The following SYNPR variants were observed in gnomAD, a reference collection of about 807,000 sequenced individuals.
SYNPR encodes synaptoporin.
Under a neutral mutation model 32.9 loss-of-function variants are expected in SYNPR, and 23 were observed. The ratio of observed to expected loss-of-function variants is 0.70; its 90% confidence interval spans 0.50 to 0.99. SYNPR has a LOEUF of 0.99. Among genes scored for constraint, SYNPR ranks in the 50% least tolerant of loss-of-function variants. SYNPR has a pLI of 0.00. For synonymous variants in SYNPR, 146 were observed against 135.9 expected (o/e 1.07, Z -0.52); for missense variants, 318 against 349.3 (o/e 0.91, Z 0.71).
At chr3:63,443,254 G>C in intron 2 of SYNPR, 6 of 1,424,172 alleles carry the variant, frequency 4.2e-6, no homozygotes, top group Non-Finnish European at 5.5e-6. Context: ...CTCTGCAAAT[G>C]AGGCTGAAGC....
the SYNPR span, among the ~76,000 whole-genome samples, chr3:63,209,895 G>C: frequency 9.2e-5 from 14 of 152,266 alleles, no homozygotes; most frequent in African/African-American, 3.4e-4. Context: ...GAAGGTGTTG[G>C]TCTTGCTCAG....
At chr3:63,428,650 G>T (rs1056369982) in intron 2 of SYNPR, among the ~76,000 whole-genome samples, 3 of 152,228 alleles carry the variant, frequency 2.0e-5, no homozygotes, top group Non-Finnish European at 4.4e-5. Context: ...ATACTGACTG[G>T]TCTAGGCTAG....
In SYNPR at chr3:63,228,865, C is replaced by G. The variant is rs1043779144; in HGVS notation, n.66+485C>G. Among the ~76,000 whole-genome samples, 6 of 151,400 alleles carry G rather than the reference C, an allele frequency of 4.0e-5. No homozygotes were observed. The Admixed American group carries it at 4.0e-4, about 10-fold the overall frequency. ...GTTTTGCTTTCACGCCATCTGAGAC[C>G]CGGGCAGAAAACCGGAAACTATTGA... On this transcript the variant is annotated intron_variant and non_coding_transcript_variant, in intron 1 of 4. Coordinates refer to the SYNPR transcript ENST00000478456.
chr3:63,337,033 A>T (rs754018620), intron 2 of SYNPR, among the ~76,000 whole-genome samples: 5 of 152,004 alleles, frequency 3.3e-5, no homozygotes, highest in Admixed American at 6.6e-5. Context: ...GGAGTTCGAG[A>T]CCAGCCTGGC....
chr3:63,248,295 T>C (rs1405751527), intron 1 of SYNPR, among the ~76,000 whole-genome samples: 2 of 152,130 alleles, frequency 1.3e-5, no homozygotes, highest in Non-Finnish European at 2.9e-5. Flanking sequence ...GGACTTGCAA[T>C]AAATACCTCG....
intron 4 of SYNPR, among the ~76,000 whole-genome samples, chr3:63,580,425 G>T (rs1251638045): frequency 6.6e-6 from 1 of 152,156 alleles, no homozygotes; most frequent in East Asian, 1.9e-4. Context: ...TGGCAATGTA[G>T]ACTTCAGAAT....
At chr3:63,273,671 G>A (rs924910902), upstream of SYNPR, among the ~76,000 whole-genome samples, 1 of 151,972 alleles carries the variant, frequency 6.6e-6, no homozygotes, top group Non-Finnish European at 1.5e-5. Flanking sequence ...GTTCACATTG[G>A]CCATCCATAT....
chr3:63,524,142 T>C (rs1424583787), intron 3 of SYNPR, among the ~76,000 whole-genome samples: 1 of 151,656 alleles, frequency 6.6e-6, no homozygotes. Flanking sequence ...TTCCTATCAG[T>C]CATAAGTAGA....
intron 4 of SYNPR, among the ~76,000 whole-genome samples, chr3:63,564,256 A>G (rs1200423090): frequency 6.7e-6 from 1 of 149,246 alleles, no homozygotes; most frequent in Non-Finnish European, 1.5e-5. Context: ...GCAGTGGCAC[A>G]GTCGATCTCG....
intron 2 of SYNPR, among the ~76,000 whole-genome samples, chr3:63,385,682 A>G (rs994938154): frequency 6.6e-6 from 1 of 152,222 alleles, no homozygotes; most frequent in African/African-American, 2.4e-5. Flanking sequence ...TTTTTCCAGT[A>G]CTAACTAGAA....
At chr3:63,438,429 C>T (rs1331272082) in intron 2 of SYNPR, among the ~76,000 whole-genome samples, 2 of 152,094 alleles carry the variant, frequency 1.3e-5, no homozygotes, top group African/African-American at 4.8e-5. Flanking sequence ...CCCGGCCTTG[C>T]CTACCTTATG....
chr3:63,381,915 A>C (rs1470673273), intron 2 of SYNPR, among the ~76,000 whole-genome samples: 1 of 152,114 alleles, frequency 6.6e-6, no homozygotes, highest in Non-Finnish European at 1.5e-5. Flanking sequence ...TCCTTCAGGC[A>C]TTTATTTACG....
At chr3:63,445,291 T>C (rs1700254986) in intron 2 of SYNPR, among the ~76,000 whole-genome samples, 1 of 152,132 alleles carries the variant, frequency 6.6e-6, no homozygotes, top group Non-Finnish European at 1.5e-5. Flanking sequence ...TACAGAAGTG[T>C]TAGGGCTCCA....
intron 4 of SYNPR, among the ~76,000 whole-genome samples, chr3:63,600,558 C>A (rs965130449): frequency 6.6e-6 from 1 of 151,902 alleles, no homozygotes; most frequent in Non-Finnish European, 1.5e-5. Flanking sequence ...AATCCCCTAA[C>A]TGCCATAATC....
At chr3:63,479,525 G>A (rs1701003691) in intron 2 of SYNPR, among the ~76,000 whole-genome samples, 1 of 151,826 alleles carries the variant, frequency 6.6e-6, no homozygotes, top group African/African-American at 2.4e-5. Flanking sequence ...CCTTGTTATC[G>A]TCAGCCAGTC....
intron 4 of SYNPR, among the ~76,000 whole-genome samples, chr3:63,578,066 T>C (rs1703018887): frequency 6.6e-6 from 1 of 152,122 alleles, no homozygotes; most frequent in African/African-American, 2.4e-5. Flanking sequence ...CATTTAAAAG[T>C]CACAGAACTC....
At chr3:63,222,986 G>C in the SYNPR span, among the ~76,000 whole-genome samples, 2 of 152,136 alleles carry the variant, frequency 1.3e-5, no homozygotes, top group South Asian at 2.1e-4. Flanking sequence ...ATCTGCTGTA[G>C]ATCAGGCACT....
At chr3:63,382,797 C>G (rs2087988798) in intron 2 of SYNPR, among the ~76,000 whole-genome samples, 1 of 152,130 alleles carries the variant, frequency 6.6e-6, no homozygotes. Flanking sequence ...ACTCCATCTT[C>G]CCTCTGTGCT....
intron 1 of SYNPR, among the ~76,000 whole-genome samples, chr3:63,243,865 A>C (rs2086265711): frequency 6.6e-6 from 1 of 151,994 alleles, no homozygotes; most frequent in Non-Finnish European, 1.5e-5. Flanking sequence ...GGAGCTGTGG[A>C]ATAAAAAAAA....
Sources: gnomAD v4.1 joint callset for allele counts (sites outside exome capture counted in the v4.1 genomes callset) on GRCh38, gnomAD v4.1.1 for gene constraint, MANE v1.5 for transcripts, NCBI Gene and HGNC (gene_info 2026-07-23, HGNC 2026-07-21) for gene names.